Variants in ASIC2 observed in about 807,000 individuals in gnomAD.
The protein encoded by ASIC2 is acid sensing ion channel subunit 2, also known as acid-sensing ion channel 2.
A neutral mutation model predicts 57.3 loss-of-function variants in ASIC2; 25 were observed. The observed-to-expected ratio is 0.44, with a 90% CI of 0.32 to 0.61. The LOEUF (loss-of-function observed/expected upper bound fraction) is 0.61. Ranked by LOEUF, ASIC2 falls within the 20% of genes least tolerant of loss-of-function variation. The pLI, the probability that ASIC2 is intolerant of heterozygous loss-of-function variation, is 0.06. For synonymous variants in ASIC2, 319 were observed against 307.5 expected (o/e 1.04, Z -0.39); for missense variants, 641 against 738.1 (o/e 0.87, Z 1.52).
intron 1 of ASIC2, among the ~76,000 whole-genome samples, chr17:33,962,576 G>A (rs761736465): frequency 7.9e-5 from 12 of 152,036 alleles, no homozygotes; most frequent in Admixed American, 3.9e-4. Context: ...TTATCATTTC[G>A]GGTCAGGAAT....
intron 1 of ASIC2, among the ~76,000 whole-genome samples, chr17:33,262,426 G>A (rs748526215): frequency 6.6e-6 from 1 of 151,114 alleles, no homozygotes; most frequent in Non-Finnish European, 1.5e-5. Context: ...GGGAAGGAGA[G>A]GAGGAAGGGA....
At position 34,127,514 on chromosome 17, in the gene ASIC2, C is replaced by T. The variant is rs190266835; in HGVS notation, c.555+28464G>A. On this transcript the variant is annotated intron_variant, in intron 1 of 9. Transcript: ENST00000359872. Reference sequence around the variant, plus strand: ...CATCCCCTTTCTCTTCCCAGACCATCAGCCTCTTCCCATTTCCAAACCAGT... The same window carrying T: ...CATCCCCTTTCTCTTCCCAGACCATTAGCCTCTTCCCATTTCCAAACCAGT... 1.3e-4 allele frequency among the ~76,000 whole-genome samples: 20 copies of T among 152,330 alleles called. No homozygotes were observed. In the East Asian group the frequency reaches 3.1e-3, roughly 24 times the overall value.
At chr17:33,401,129 G>T (rs1007986327) in intron 1 of ASIC2, among the ~76,000 whole-genome samples, 1 of 152,170 alleles carries the variant, frequency 6.6e-6, no homozygotes, top group African/African-American at 2.4e-5. Flanking sequence ...GCCTTGAAGT[G>T]CTTCCATCCG....
chr17:33,889,319 C>A (rs529648419), intron 1 of ASIC2, among the ~76,000 whole-genome samples: 1 of 152,266 alleles, frequency 6.6e-6, no homozygotes, highest in African/African-American at 2.4e-5. Flanking sequence ...AAACTCAAAA[C>A]TAAGAGGCAT....
chr17:33,022,919 A>ATTTTAT (rs1223363381), intron 6 of ASIC2, among the ~76,000 whole-genome samples: 1 of 152,122 alleles, frequency 6.6e-6, no homozygotes, highest in Non-Finnish European at 1.5e-5. Context: ...GATAACCTCA[A>ATTTTAT]TTTTATTTTT....
chr17:33,459,859 T>C (rs1446422763), intron 1 of ASIC2, among the ~76,000 whole-genome samples: 2 of 152,156 alleles, frequency 1.3e-5, no homozygotes, highest in Non-Finnish European at 2.9e-5. Context: ...CCAGAAGTGA[T>C]TGTCTCTAGT....
At chr17:34,028,006 T>C (rs1202618776) in intron 1 of ASIC2, among the ~76,000 whole-genome samples, 1 of 152,164 alleles carries the variant, frequency 6.6e-6, no homozygotes, top group Non-Finnish European at 1.5e-5. Flanking sequence ...GCAGCAGGTA[T>C]TGTTATCATA....
intron 1 of ASIC2, among the ~76,000 whole-genome samples, chr17:33,540,105 C>T (rs958144283): frequency 7.9e-5 from 12 of 152,114 alleles, no homozygotes; most frequent in Admixed American, 1.3e-4. Context: ...ATCGAGGTGT[C>T]GGTAGAGTTG....
intron 1 of ASIC2, among the ~76,000 whole-genome samples, chr17:33,801,544 C>A (rs748358883): frequency 6.6e-6 from 1 of 152,038 alleles, no homozygotes; most frequent in African/African-American, 2.4e-5. Context: ...GGTGAGTTAC[C>A]ATCTTTAAGC....
At chr17:33,503,467 G>T (rs1302558648) in intron 1 of ASIC2, among the ~76,000 whole-genome samples, 1 of 152,104 alleles carries the variant, frequency 6.6e-6, no homozygotes, top group African/African-American at 2.4e-5. Context: ...GGGAGTCAGG[G>T]TTCCCCAGGA....
intron 1 of ASIC2, among the ~76,000 whole-genome samples, chr17:33,682,508 A>G (rs1908042294): frequency 6.6e-6 from 1 of 152,138 alleles, no homozygotes. Context: ...AGAAATAACA[A>G]TAATGTTAGA....
chr17:33,417,932 C>T (rs1427871279), intron 1 of ASIC2, among the ~76,000 whole-genome samples: 1 of 152,198 alleles, frequency 6.6e-6, no homozygotes. Flanking sequence ...CTGTTCTACC[C>T]CTTCTGTGCT....
At chr17:33,339,668 C>G (rs998996218) in intron 1 of ASIC2, among the ~76,000 whole-genome samples, 4 of 152,200 alleles carry the variant, frequency 2.6e-5, no homozygotes, top group African/African-American at 9.6e-5. Context: ...GCAGTGCCTT[C>G]TAAGTGGGAG....
intron 1 of ASIC2, chr17:33,580,135 G>A (rs376640417): frequency 2.6e-5 from 4 of 152,270 alleles, no homozygotes; most frequent in African/African-American, 9.6e-5. Flanking sequence ...GGTACCCACA[G>A]GGTAGTAAGT....
intron 1 of ASIC2, among the ~76,000 whole-genome samples, chr17:33,592,085 C>T (rs557292827): frequency 1.4e-4 from 21 of 152,342 alleles, no homozygotes; most frequent in Non-Finnish European, 2.9e-4. Flanking sequence ...GTCTTCTGGG[C>T]TCTGGACTCG....
intron 1 of ASIC2, among the ~76,000 whole-genome samples, chr17:33,959,330 A>G (rs1437700951): frequency 6.6e-6 from 1 of 152,136 alleles, no homozygotes; most frequent in Non-Finnish European, 1.5e-5. Context: ...GTACCAATTT[A>G]CAGTATTAAT....
chr17:33,202,651 T>C (rs1283320622), intron 1 of ASIC2, among the ~76,000 whole-genome samples: 4 of 152,208 alleles, frequency 2.6e-5, no homozygotes, highest in Admixed American at 1.3e-4. Flanking sequence ...CTTATAGATA[T>C]ATTTAAAAAC....
At chr17:33,821,637 G>A (rs192654224) in intron 1 of ASIC2, among the ~76,000 whole-genome samples, 21 of 152,286 alleles carry the variant, frequency 1.4e-4, no homozygotes, top group Admixed American at 3.3e-4. Flanking sequence ...ACATGGCTTC[G>A]TGATATTTAA....
intron 1 of ASIC2, among the ~76,000 whole-genome samples, chr17:33,250,068 T>C (rs1399859940): frequency 6.6e-6 from 1 of 152,202 alleles, no homozygotes; most frequent in East Asian, 1.9e-4. Flanking sequence ...CTGACAGTTC[T>C]ATCTGTGTCG....
Sources: allele counts gnomAD v4.1 joint callset (sites outside exome capture counted in the v4.1 genomes callset), GRCh38; gene constraint gnomAD v4.1.1; transcripts MANE v1.5; gene names NCBI Gene and HGNC (gene_info 2026-07-23, HGNC 2026-07-21).